The following ROBO1 variants were observed in gnomAD, a reference collection of about 807,000 sequenced individuals.
ROBO1 encodes the protein roundabout homolog 1.
A neutral mutation model predicts 195.9 loss-of-function variants in ROBO1; 149 were observed. That is an observed-to-expected ratio of 0.76 (90% CI 0.67 to 0.87). The LOEUF is 0.87. ROBO1 is among the 40% of genes least tolerant of loss of function. The pLI is 0.00. For missense variants in ROBO1, 1,933 were observed against 2,068.3 expected, an observed-to-expected ratio of 0.93 and a Z score of 1.27; for synonymous variants, 816 against 733.2, an observed-to-expected ratio of 1.11 and a Z score of -1.82.
intron 4 of ROBO1, among the ~76,000 whole-genome samples, chr3:78,895,107 T>C (rs2037153235): frequency 6.6e-6 from 1 of 152,172 alleles, no homozygotes; most frequent in Non-Finnish European, 1.5e-5. Flanking sequence ...GTTTGGAAAC[T>C]GCCACTGGAG....
chr3:78,606,666 G>A, intron 29 of ROBO1, 67 bp downstream of exon 29: 1 of 1,500,174 alleles, frequency 6.7e-7, no homozygotes, highest in Admixed American at 1.7e-5. Flanking sequence ...TGGCCATATA[G>A]AGCCTAACTG....
At chr3:79,172,935 C>A (rs78921472) in intron 2 of ROBO1, among the ~76,000 whole-genome samples, 6 of 152,090 alleles carry the variant, frequency 3.9e-5, no homozygotes, top group African/African-American at 1.4e-4. Flanking sequence ...CTTCTCTGCT[C>A]CTAGAAGATA....
chr3:79,006,490 A>T (rs1447976798), intron 3 of ROBO1, among the ~76,000 whole-genome samples: 1 of 152,186 alleles, frequency 6.6e-6, no homozygotes, highest in East Asian at 1.9e-4. Context: ...ATGACTATAT[A>T]TCATATTTGG....
chr3:78,664,856 C>T (rs1350328671), intron 14 of ROBO1, among the ~76,000 whole-genome samples: 1 of 152,110 alleles, frequency 6.6e-6, no homozygotes, highest in Admixed American at 6.5e-5. Context: ...GGTGATTCCC[C>T]AGGTTCTTAT....
chr3:79,413,026 A>G (rs1363663885), intron 2 of ROBO1, among the ~76,000 whole-genome samples: 1 of 150,834 alleles, frequency 6.6e-6, no homozygotes, highest in African/African-American at 2.4e-5. Context: ...TCTGTTTGGG[A>G]CCAAATTTAT....
At chr3:79,415,885 T>G (rs940882700) in intron 2 of ROBO1, among the ~76,000 whole-genome samples, 3 of 152,142 alleles carry the variant, frequency 2.0e-5, no homozygotes, top group African/African-American at 7.2e-5. Context: ...ACAACGGGTT[T>G]CAAGGTTGCA....
intron 2 of ROBO1, among the ~76,000 whole-genome samples, chr3:79,244,851 T>A (rs2082594525): frequency 6.6e-6 from 1 of 152,128 alleles, no homozygotes; most frequent in African/African-American, 2.4e-5. Flanking sequence ...TTTTTCTTTG[T>A]TTGAATATAC....
intron 2 of ROBO1, among the ~76,000 whole-genome samples, chr3:79,252,902 T>C (rs1230563872): frequency 4.6e-5 from 7 of 152,132 alleles, no homozygotes; most frequent in South Asian, 4.1e-4. Context: ...AGGAGATAGA[T>C]GTCTTGCATT....
At chr3:79,450,954 A>AT (rs904003343) in intron 2 of ROBO1, among the ~76,000 whole-genome samples, 69 of 151,812 alleles carry the variant, frequency 4.5e-4, no homozygotes, top group African/African-American at 1.5e-3. Context: ...TCTATTAATC[A>AT]TTTTTTTCAG....
chr3:78,760,715 C>T (rs1312002947), intron 4 of ROBO1, among the ~76,000 whole-genome samples: 4 of 152,074 alleles, frequency 2.6e-5, no homozygotes. Flanking sequence ...TATCATGGCT[C>T]ACGGCAACAT....
At chr3:79,311,373 C>G (rs550647017) in intron 2 of ROBO1, among the ~76,000 whole-genome samples, 1 of 152,222 alleles carries the variant, frequency 6.6e-6, no homozygotes, top group Non-Finnish European at 1.5e-5. Context: ...GTAAAGAAAA[C>G]AAAATGTGAA....
At chr3:79,721,203 G>T (rs1285861114) in intron 1 of ROBO1, among the ~76,000 whole-genome samples, 1 of 152,146 alleles carries the variant, frequency 6.6e-6, no homozygotes, top group Non-Finnish European at 1.5e-5. Context: ...TGGATGCCAA[G>T]TGAAGAACCC....
At chr3:78,680,228 C>T (rs1427571755) in intron 10 of ROBO1, among the ~76,000 whole-genome samples, 2 of 152,110 alleles carry the variant, frequency 1.3e-5, no homozygotes, top group East Asian at 1.9e-4. Context: ...TCATAAAAAC[C>T]CTAGAAGAAA....
At chr3:78,845,672 G>T (rs529836166) in intron 4 of ROBO1, among the ~76,000 whole-genome samples, 3 of 152,240 alleles carry the variant, frequency 2.0e-5, no homozygotes, top group Non-Finnish European at 4.4e-5. Flanking sequence ...ACAGGTTCAA[G>T]AATAGGTCAC....
intron 4 of ROBO1, among the ~76,000 whole-genome samples, chr3:78,807,945 A>G (rs2084599955): frequency 6.6e-6 from 1 of 152,182 alleles, no homozygotes; most frequent in Admixed American, 6.5e-5. Flanking sequence ...AAGATTTGTC[A>G]TTAGAGTTCT....
chr3:78,852,860 C>G (rs1559925195), intron 4 of ROBO1, among the ~76,000 whole-genome samples: 1 of 152,096 alleles, frequency 6.6e-6, no homozygotes, highest in Non-Finnish European at 1.5e-5. Context: ...TAAGAAAAGA[C>G]AAATGGTAGT....
At chr3:79,157,650 T>C (rs1284830160) in intron 2 of ROBO1, among the ~76,000 whole-genome samples, 3 of 151,884 alleles carry the variant, frequency 2.0e-5, no homozygotes, top group African/African-American at 7.2e-5. Flanking sequence ...TATGAGTTCA[T>C]TTTTTCCCCA....
At chr3:79,535,353 A>G (rs1047471476) in intron 2 of ROBO1, among the ~76,000 whole-genome samples, 3 of 152,136 alleles carry the variant, frequency 2.0e-5, no homozygotes, top group Admixed American at 6.6e-5. Flanking sequence ...ATGTGCCTGT[A>G]ACTAATGCAC....
At chr3:79,074,329 A>G (rs550282955) in intron 3 of ROBO1, among the ~76,000 whole-genome samples, 1 of 152,076 alleles carries the variant, frequency 6.6e-6, no homozygotes, top group East Asian at 1.9e-4. Flanking sequence ...ATATATAAAT[A>G]GAGAAGTTTA....
Sources: allele counts gnomAD v4.1 joint callset (sites outside exome capture counted in the v4.1 genomes callset), GRCh38; gene constraint gnomAD v4.1.1; transcripts MANE v1.5; gene names NCBI Gene and HGNC (gene_info 2026-07-23, HGNC 2026-07-21).